The following MYH11 variants were observed in gnomAD, a reference collection of about 807,000 sequenced individuals.
The protein encoded by MYH11 is myosin-11.
Under a neutral mutation model 246.6 loss-of-function variants are expected in MYH11, and 80 were observed. The ratio of observed to expected loss-of-function variants is 0.32; its 90% CI spans 0.27 to 0.39. The LOEUF (loss-of-function observed/expected upper bound fraction) is 0.39, where lower values mean the gene tolerates loss of function less well. Among genes scored for constraint, MYH11 ranks in the 10% least tolerant of loss-of-function variants. The probability of loss-of-function intolerance (pLI) is 1.00; values close to 1 mark genes in which losing one functional copy is unlikely to be tolerated. For missense variants in MYH11, 2,158 were observed against 2,546.8 expected, an observed-to-expected ratio of 0.85 and a Z score of 3.29; for synonymous variants, 1,071 against 1,015.5, an observed-to-expected ratio of 1.05 and a Z score of -1.04.
intron 4 of MYH11, among the ~76,000 whole-genome samples, chr16:15,797,003 C>G (rs1240820550): frequency 1.3e-5 from 2 of 152,172 alleles, no homozygotes; most frequent in Admixed American, 6.5e-5. Context: ...ATCCTCTTCC[C>G]TTTCCCCACA....
intron 34 of MYH11, 44 bp downstream of exon 34, chr16:15,720,107 G>C (rs989417917): frequency 3.1e-6 from 5 of 1,613,404 alleles, no homozygotes; most frequent in African/African-American, 2.7e-5. Context: ...GAGGGGAACT[G>C]TGCCCTCCCT....
At chr16:15,718,114 C>T (rs1045040791) in intron 37 of MYH11, 15 of 782,272 alleles carry the variant, frequency 1.9e-5, no homozygotes, top group South Asian at 1.7e-5. Flanking sequence ...GACACTGCAG[C>T]GTGGAGAGGA....
At chr16:15,855,444 A>G (rs1229756594) in intron 1 of MYH11, among the ~76,000 whole-genome samples, 1 of 152,212 alleles carries the variant, frequency 6.6e-6, no homozygotes, top group Non-Finnish European at 1.5e-5. Context: ...GAAGAAAGAT[A>G]GTGGGGTCAA....
rs748787897 is a variant in MYH11 at position 15,717,277 on chromosome 16, C to T, written c.5367G>A (p.Gln1789=). 6.2e-7 allele frequency: 1 copy of T among 1,613,826 alleles called. No individual in the cohort carries two copies. The highest frequency in any genetic ancestry group is 1.7e-5 in the Admixed American group (1 of 60,024). ...TAQKNESARQ[Q]LERQNKELRS... is the part of the protein sequence containing the mutation. ...GGAGCTCCTTGTTCTGCCGCTCGAG[C>T]TGCTGCCGGGCACTCTCATTCTTCT... is the stretch of plus-strand genomic sequence containing the variant. Residue 1789 remains glutamine (Q), a synonymous_variant, in exon 38 of 41, where the codon CAG becomes CAA. Transcript: ENST00000300036.
intron 11 of MYH11, among the ~76,000 whole-genome samples, chr16:15,759,951 G>A (rs1596794026): frequency 6.6e-6 from 1 of 152,232 alleles, no homozygotes; most frequent in African/African-American, 2.4e-5. Context: ...ACAAAAATTA[G>A]CCAGGCGTTG....
chr16:15,719,384 G>C, intron 35 of MYH11, 76 bp from the exon 36 acceptor site: 1 of 1,530,932 alleles, frequency 6.5e-7, no homozygotes, highest in Middle Eastern at 1.7e-4. Context: ...TGACAACTCA[G>C]CCACCCTTGA....
chr16:15,791,667 G>C (rs931907771), intron 4 of MYH11: 2 of 132,462 alleles, frequency 1.5e-5, no homozygotes, highest in Admixed American at 8.4e-5. Flanking sequence ...CACTTACCTT[G>C]TATGATTTTT....
chr16:15,756,700 T>C (rs565668477), intron 13 of MYH11, among the ~76,000 whole-genome samples, 186 bp from the exon 14 acceptor site: 1 of 151,842 alleles, frequency 6.6e-6, no homozygotes, highest in South Asian at 2.1e-4. Flanking sequence ...CTGTGCCCAA[T>C]GGACCAGTAA....
chr16:15,826,996 CAAAAAAAAAAAAAA>C (rs10573425), intron 2 of MYH11, among the ~76,000 whole-genome samples: 1 of 57,982 alleles, frequency 1.7e-5, no homozygotes, highest in African/African-American at 5.1e-5. Flanking sequence ...GAACCCATCT[CAAAAAAAAAAAAAA>C]AAAAAAAAAA....
intron 40 of MYH11, chr16:15,708,769 A>G: frequency 6.3e-7 from 1 of 1,595,158 alleles, no homozygotes; most frequent in Non-Finnish European, 8.5e-7. Flanking sequence ...GGATACTGAG[A>G]CAACACACAG....
chr16:15,808,061 G>A (rs1109417), intron 3 of MYH11, among the ~76,000 whole-genome samples: 115 of 152,274 alleles, frequency 7.6e-4, no homozygotes, highest in Admixed American at 5.7e-3. Context: ...ATCAAAACCC[G>A]TCTCTGCAGG....
chr16:15,725,166 A>C (rs987500017), intron 28 of MYH11, 174 bp from the exon 29 acceptor site: 12 of 644,756 alleles, frequency 1.9e-5, no homozygotes, highest in African/African-American at 5.5e-5. Flanking sequence ...CACACACAAA[A>C]AAAACAGAAT....
intron 1 of MYH11, among the ~76,000 whole-genome samples, chr16:15,853,325 A>T (rs1415874531): frequency 2.6e-5 from 4 of 152,048 alleles, no homozygotes; most frequent in Middle Eastern, 3.4e-3. Context: ...CATTTTAAAA[A>T]TTTTTTTGTA....
chr16:15,813,631 T>C (rs1283710467), intron 3 of MYH11, among the ~76,000 whole-genome samples: 1 of 151,934 alleles, frequency 6.6e-6, no homozygotes, highest in Admixed American at 6.6e-5. Context: ...GTAGGCTGAG[T>C]GCATGCATTT....
intron 4 of MYH11, 148 bp from the exon 5 acceptor site, chr16:15,786,880 C>A: frequency 1.3e-6 from 1 of 788,446 alleles, no homozygotes; most frequent in Admixed American, 2.0e-5. Flanking sequence ...TTGCCCAAGG[C>A]CACATCTCTG....
chr16:15,803,701 AC>A lies in MYH11; in HGVS notation c.503-5015del, dbSNP rs572554091. Among the ~76,000 whole-genome samples, 100 of 152,282 alleles carry A rather than the reference AC, an allele frequency of 6.6e-4. 1 individual carries two copies. The highest frequency in any genetic ancestry group is 2.3e-3 in the African/African-American group (96 of 41,556). On this transcript the variant is annotated intron_variant, in intron 3 of 40. Coordinates refer to ENST00000300036, the MANE Select transcript of MYH11 (RefSeq NM_002474.3). ...ACAGACAGATGGGCTGTGTTGATCC[AC>A]TACTTCAGGGAGAGAGGCAGGCTTT... is the stretch of plus-strand genomic sequence containing the variant.
intron 2 of MYH11, among the ~76,000 whole-genome samples, chr16:15,827,236 G>A (rs761037861): frequency 5.9e-5 from 9 of 152,100 alleles, no homozygotes; most frequent in Non-Finnish European, 1.2e-4. Context: ...AAAACACGTC[G>A]TAAGAACAGA....
rs1555569336 is a variant in MYH11, at chr16:15,788,077, C to CTTTTTTTTTTTTTTTTTTTTTTTTTTTT, written c.531-1346_531-1345insAAAAAAAAAAAAAAAAAAAAAAAAAAAA. On this transcript the variant is annotated intron_variant, in intron 4 of 40. Coordinates refer to ENST00000300036, the MANE Select transcript of MYH11 (RefSeq NM_002474.3). Reference sequence around the variant, plus strand: ...GTCCTCCTGGAATATGAAGGTAGATCTTTTTTTTTTTTTTTTTTACCAAGA... The same window carrying CTTTTTTTTTTTTTTTTTTTTTTTTTTTT: ...GTCCTCCTGGAATATGAAGGTAGATCTTTTTTTTTTTTTTTTTTTTTTTTTTTTTTTTTTTTTTTTTTTTTTACCAAGA... 1.4e-3 allele frequency among the ~76,000 whole-genome samples: 80 copies of CTTTTTTTTTTTTTTTTTTTTTTTTTTTT among 55,348 alleles called. 13 individuals carry two copies. The highest frequency in any genetic ancestry group is 1.9e-3 in the Non-Finnish European group (53 of 27,344). The allele number at this position is 55,348 out of a possible 152,430, so 36.3% of individuals were successfully genotyped here. A position where few individuals can be genotyped will look rare whatever the true frequency, so the allele number is the denominator to read the frequency against.
chr16:15,757,688 C>CA, intron 13 of MYH11, 139 bp downstream of exon 13: 1 of 1,068,754 alleles, frequency 9.4e-7, no homozygotes, highest in Non-Finnish European at 1.4e-6. Context: ...ATTCAGCTTA[C>CA]AGCCTTTCAG....
Sources: allele counts gnomAD v4.1 joint callset (sites outside exome capture counted in the v4.1 genomes callset), GRCh38; gene constraint gnomAD v4.1.1; transcripts MANE v1.5; gene names NCBI Gene and HGNC (gene_info 2026-07-23, HGNC 2026-07-21).